CPEB1: variants seen among roughly 807,000 people sequenced by gnomAD.
CPEB1 encodes the protein cytoplasmic polyadenylation element binding protein 1, also known as cytoplasmic polyadenylation element-binding protein 1.
CPEB1 carries 7 observed loss-of-function variants against 65.8 expected under a neutral mutation model. That is an observed-to-expected ratio of 0.11 (90% CI 0.06 to 0.20). CPEB1 has a LOEUF of 0.20. Ranked by LOEUF, CPEB1 falls within the 10% of genes least tolerant of loss-of-function variation. The probability of loss-of-function intolerance (pLI) is 1.00; values close to 1 mark genes in which losing one functional copy is unlikely to be tolerated. For synonymous variants in CPEB1, 262 were observed against 260.0 expected (o/e 1.01, Z -0.08); for missense variants, 551 against 712.2 (o/e 0.77, Z 2.58).
chr15:82,594,952 G>C (rs1329576600), intron 3 of CPEB1, among the ~76,000 whole-genome samples: 2 of 152,162 alleles, frequency 1.3e-5, no homozygotes, highest in Admixed American at 6.6e-5. Flanking sequence ...TCTTACATGG[G>C]AATGGTTTGT....
chr15:82,617,755 A>T (rs1409946271), intron 3 of CPEB1, among the ~76,000 whole-genome samples: 5 of 81,690 alleles, frequency 6.1e-5, no homozygotes, highest in African/African-American at 1.9e-4. Flanking sequence ...TTTTTTTGAG[A>T]CGGAGTCTCG....
At chr15:82,560,985 T>C (rs1227346745) in intron 4 of CPEB1, among the ~76,000 whole-genome samples, 4 of 152,142 alleles carry the variant, frequency 2.6e-5, no homozygotes, top group Non-Finnish European at 5.9e-5. Flanking sequence ...GAAGAATGGG[T>C]CGTGCATTAT....
chr15:82,610,030 A>C (rs2043980297), intron 3 of CPEB1, among the ~76,000 whole-genome samples: 1 of 150,166 alleles, frequency 6.7e-6, no homozygotes, highest in Admixed American at 6.7e-5. Context: ...ACTGCACTCC[A>C]GCCTAGGCAA....
At chr15:82,548,064 C>T (rs1292847541) in intron 10 of CPEB1, among the ~76,000 whole-genome samples, 2 of 152,218 alleles carry the variant, frequency 1.3e-5, no homozygotes, top group South Asian at 2.1e-4. Context: ...TGGCCGGGCA[C>T]GGTGGCTCAC....
At chr15:82,590,394 A>G (rs2042151527) in intron 3 of CPEB1, among the ~76,000 whole-genome samples, 1 of 152,110 alleles carries the variant, frequency 6.6e-6, no homozygotes, top group Admixed American at 6.6e-5. Context: ...CAATTGTTAC[A>G]ATTTTAGAGC....
At chr15:82,630,310 T>C (rs1046715587) in intron 1 of CPEB1, 4 of 156,124 alleles carry the variant, frequency 2.6e-5, no homozygotes, top group African/African-American at 9.6e-5. Context: ...CTGCTCTCTA[T>C]AGTGAGCACC....
Position 82,543,537 on chromosome 15 carries a change from C to T in CPEB1, c.*1055G>A, listed in dbSNP as rs2034660516. On this transcript the variant is annotated 3_prime_UTR_variant, in exon 13 of 13. Coordinates refer to ENST00000684509, the MANE Select transcript of CPEB1 (RefSeq NM_001365242.1). The stretch of plus-strand genomic sequence containing the variant: ...ATTCCAGTGGCATTTCAGTCAACTG[C>T]AACTGTTATCTCATACATTCCTCAA... 1 of 146,086 alleles carries T rather than the reference C, an allele frequency of 6.8e-6. No individual in the cohort carries two copies. Among genetic ancestry groups the T allele is most frequent in the Non-Finnish European group, 1.5e-5 (1 of 67,240 alleles). The allele number at this position is 146,086 out of a possible 1,614,324, so 9.0% of individuals were successfully genotyped here.
chr15:82,606,865 G>A lies in CPEB1; in HGVS notation c.271+20328C>T, dbSNP rs532892315. 9.9e-5 allele frequency among the ~76,000 whole-genome samples: 15 copies of A among 151,124 alleles called. No homozygotes were observed. The East Asian group carries it at 2.9e-3, about 29-fold the overall frequency. ...ATAGTAAAAGAGGCCAGGCATAGTA[G>A]CTCATGCCTGCAATCCCAGCACTTT... On this transcript the variant is annotated intron_variant, in intron 3 of 12. Coordinates refer to ENST00000684509, the MANE Select transcript of CPEB1 (RefSeq NM_001365242.1).
At chr15:82,609,794 C>T (rs151196821) in intron 3 of CPEB1, among the ~76,000 whole-genome samples, 1 of 152,216 alleles carries the variant, frequency 6.6e-6, no homozygotes, top group African/African-American at 2.4e-5. Context: ...GCTGCAATGG[C>T]TCATGCCTGT....
At chr15:82,627,986 C>T (rs1216091898) in intron 2 of CPEB1, among the ~76,000 whole-genome samples, 1 of 152,052 alleles carries the variant, frequency 6.6e-6, no homozygotes, top group Non-Finnish European at 1.5e-5. Flanking sequence ...ATACATGCCC[C>T]CAAATACAAC....
intron 3 of CPEB1, among the ~76,000 whole-genome samples, chr15:82,580,087 C>G (rs528009143): frequency 2.6e-5 from 4 of 151,556 alleles, no homozygotes; most frequent in African/African-American, 7.2e-5. Context: ...ATTGGGAGGC[C>G]AAGGCAGGCG....
At chr15:82,562,237 T>C (rs1022373607) in intron 4 of CPEB1, 3 of 455,660 alleles carry the variant, frequency 6.6e-6, no homozygotes, top group Non-Finnish European at 1.3e-5. Context: ...CTGAATCCTG[T>C]AAGACCATCA....
chr15:82,603,944 A>G (rs1259876529), intron 3 of CPEB1, among the ~76,000 whole-genome samples: 3 of 152,238 alleles, frequency 2.0e-5, no homozygotes, highest in Non-Finnish European at 4.4e-5. Context: ...TCAAAGAAAC[A>G]AGTATGGCCC....
chr15:82,602,713 G>GC (rs1488881371), intron 3 of CPEB1, among the ~76,000 whole-genome samples: 1 of 152,082 alleles, frequency 6.6e-6, no homozygotes, highest in Non-Finnish European at 1.5e-5. Context: ...GGGCATGGTG[G>GC]CAAGTGCCTG....
intron 1 of CPEB1, among the ~76,000 whole-genome samples, chr15:82,635,716 C>G (rs1356266401): frequency 6.6e-6 from 1 of 152,052 alleles, no homozygotes; most frequent in Non-Finnish European, 1.5e-5. Context: ...AGAAACAAAT[C>G]TAGTTAGCTA....
At chr15:82,563,337 T>TATGTAAGATC (rs2038550650) in intron 4 of CPEB1, among the ~76,000 whole-genome samples, 1 of 151,052 alleles carries the variant, frequency 6.6e-6, no homozygotes. Context: ...CATATGAATG[T>TATGTAAGATC]ATGTAAGATC....
At chr15:82,610,258 G>A (rs1048246546) in intron 3 of CPEB1, among the ~76,000 whole-genome samples, 2 of 152,020 alleles carry the variant, frequency 1.3e-5, no homozygotes, top group African/African-American at 2.4e-5. Flanking sequence ...AGAAAGCTTC[G>A]CTGGTGAATT....
In CPEB1 at chr15:82,543,466, A is replaced by ATT. The variant is rs1567159541; in HGVS notation, c.*1125_*1126insAA. 1 of 148,266 alleles carries ATT rather than the reference A, an allele frequency of 6.7e-6. No individual in the cohort carries two copies. Among genetic ancestry groups the ATT allele is most frequent in the Non-Finnish European group, 1.5e-5 (1 of 67,362 alleles). 9.2% of individuals were successfully genotyped at this position (148,266 alleles called of 1,614,324 possible). A position where few individuals can be genotyped will look rare whatever the true frequency, so the allele number is the denominator to read the frequency against. Reference sequence around the variant, plus strand: ...GTGGGTTTTTTGTTTCTTTTTAAAAAAAAAAAAAAAAAAAAAAAGGAAAGA... The same window carrying ATT: ...GTGGGTTTTTTGTTTCTTTTTAAAAATTAAAAAAAAAAAAAAAAAAGGAAAGA... On this transcript the variant is annotated 3_prime_UTR_variant, in exon 13 of 13. Coordinates refer to ENST00000684509, the MANE Select transcript of CPEB1 (RefSeq NM_001365242.1).
intron 3 of CPEB1, among the ~76,000 whole-genome samples, chr15:82,619,090 CA>C (rs1265550409): frequency 6.6e-6 from 1 of 152,184 alleles, no homozygotes; most frequent in African/African-American, 2.4e-5. Flanking sequence ...AATTAAGACA[CA>C]AGGACAGATA....
Sources: allele counts gnomAD v4.1 joint callset (sites outside exome capture counted in the v4.1 genomes callset), GRCh38; gene constraint gnomAD v4.1.1; transcripts MANE v1.5; gene names NCBI Gene and HGNC (gene_info 2026-07-23, HGNC 2026-07-21).